MCOLN2: variants seen among roughly 807,000 people sequenced by gnomAD.
MCOLN2 encodes mucolipin-2.
A neutral mutation model predicts 67.5 loss-of-function variants in MCOLN2; 57 were observed. The ratio of observed to expected loss-of-function variants is 0.84; its 90% CI spans 0.68 to 1.05. MCOLN2 has a LOEUF of 1.05. Ranked by LOEUF, MCOLN2 falls within the 50% of genes least tolerant of loss-of-function variation. The pLI is 0.00. For missense variants in MCOLN2, 620 were observed against 678.8 expected (o/e 0.91, Z 0.96); for synonymous variants, 246 against 233.3 (o/e 1.05, Z -0.50).
At chr1:84,936,743 C>T (rs1445460050) in intron 11 of MCOLN2, among the ~76,000 whole-genome samples, 4 of 152,170 alleles carry the variant, frequency 2.6e-5, no homozygotes, top group Admixed American at 1.3e-4. Flanking sequence ...TAGGACAGCA[C>T]GGAGGTTTAA....
intron 11 of MCOLN2, chr1:84,937,554 T>C: frequency 7.5e-7 from 1 of 1,337,308 alleles, no homozygotes; most frequent in Non-Finnish European, 9.6e-7. Context: ...TCTAGTATTG[T>C]ACAGTTCTTG....
rs551306936 is a variant in MCOLN2, at chr1:84,984,256, G to T, written c.77+12540C>A. On this transcript the variant is annotated intron_variant, in intron 1 of 13. Coordinates refer to ENST00000370608, the MANE Select transcript of MCOLN2 (RefSeq NM_153259.4). ...TCCAACTATTTTCCTGGAATTAACT[G>T]CCCTTTTCCCCATTTGTTTAGTTTT... 2.1e-3 allele frequency among the ~76,000 whole-genome samples: 322 copies of T among 152,174 alleles called. 2 individuals carry two copies. The highest frequency in any genetic ancestry group is 3.5e-3 in the Non-Finnish European group (237 of 67,996).
chr1:84,933,704 C>A (rs1253184195), intron 11 of MCOLN2, among the ~76,000 whole-genome samples: 3 of 152,180 alleles, frequency 2.0e-5, no homozygotes, highest in Non-Finnish European at 2.9e-5. Flanking sequence ...TTCAAGAACC[C>A]CTAACTCCAA....
At chr1:84,976,762 T>C (rs536168763) in intron 1 of MCOLN2, among the ~76,000 whole-genome samples, 1 of 151,844 alleles carries the variant, frequency 6.6e-6, no homozygotes, top group South Asian at 2.1e-4. Flanking sequence ...CAAGACTCCA[T>C]CTCAAAAAAA....
rs1471067268 is a variant in MCOLN2 at position 84,956,444 on chromosome 1, G to A, written c.552C>T (p.Asn184=). 15 of 1,610,998 alleles carry A rather than the reference G, an allele frequency of 9.3e-6. No individual in the cohort carries two copies. The highest frequency in any genetic ancestry group is 3.4e-5 in the Admixed American group (2 of 59,312). ...TCACTGCATTACCGAGCTCAACGTCGTTGTCAATATTCAGTGTCTCATTAG... is the reference window on the plus strand; with the variant it reads ...TCACTGCATTACCGAGCTCAACGTCATTGTCAATATTCAGTGTCTCATTAG... ...FPSNETLNID[N]DVELDCVQLD... is the part of the protein sequence containing the mutation. Residue 184 remains asparagine (N), a synonymous_variant, in exon 4 of 14, where the codon AAC becomes AAT. Transcript: ENST00000370608.
Position 84,937,872 on chromosome 1 carries a change from C to T in MCOLN2, c.1218G>A (p.Leu406=). 6.2e-7 allele frequency: 1 copy of T among 1,613,800 alleles called. No individual in the cohort carries two copies. The change falls in exon 11 of 14, where the codon CTG becomes CTA. Residue 406 remains leucine (L), a synonymous_variant. Coordinates refer to ENST00000370608, the MANE Select transcript of MCOLN2 (RefSeq NM_153259.4). Reference sequence around the variant, plus strand: ...GCAGTGAGGCCTGCATTGTTAAAATCAGCACCTGAAAAAAAGAACAGAATG... The same window carrying T: ...GCAGTGAGGCCTGCATTGTTAAAATTAGCACCTGAAAAAAAGAACAGAATG... ...YLGYFQAYNV[L]ILTMQASLPK...
rs1661123556 is a variant in MCOLN2, at chr1:84,925,663, A to G, written c.*1022T>C. 6.6e-6 allele frequency: 1 copy of G among 152,216 alleles called. No homozygotes were observed. Among genetic ancestry groups the G allele is most frequent in the Non-Finnish European group, 1.5e-5 (1 of 68,048 alleles). The allele number at this position is 152,216 out of a possible 1,614,324, so 9.4% of individuals were successfully genotyped here. On this transcript the variant is annotated 3_prime_UTR_variant, in exon 14 of 14. Coordinates refer to ENST00000370608, the MANE Select transcript of MCOLN2 (RefSeq NM_153259.4). ...CAAAGGTAAATACCCAACCCAGCAG[A>G]GTTCAATTGTTAAAATGAGTGACCG... is the stretch of plus-strand genomic sequence containing the variant.
intron 2 of MCOLN2, among the ~76,000 whole-genome samples, chr1:84,965,131 C>T (rs1649308361): frequency 6.6e-6 from 1 of 152,108 alleles, no homozygotes; most frequent in Non-Finnish European, 1.5e-5. Context: ...CTGATAGCGC[C>T]TGGGATCAGT....
chr1:84,991,311 G>T (rs1650880632), intron 1 of MCOLN2, among the ~76,000 whole-genome samples: 1 of 151,972 alleles, frequency 6.6e-6, no homozygotes, highest in Admixed American at 6.6e-5. Flanking sequence ...TAATACCAGG[G>T]GCAGTTCAAC....
intron 1 of MCOLN2, among the ~76,000 whole-genome samples, chr1:84,994,225 C>T (rs1651038038): frequency 6.6e-6 from 1 of 152,182 alleles, no homozygotes. Context: ...TAACATAATT[C>T]TTAAGTGCCC....
At chr1:84,976,153 G>A (rs184840983) in intron 1 of MCOLN2, among the ~76,000 whole-genome samples, 4 of 152,258 alleles carry the variant, frequency 2.6e-5, no homozygotes, top group Admixed American at 6.5e-5. Context: ...CCCAAGCTTA[G>A]AGAAAGATAT....
intron 1 of MCOLN2, among the ~76,000 whole-genome samples, chr1:84,973,389 A>AT (rs1649841319): frequency 6.6e-6 from 1 of 152,168 alleles, no homozygotes; most frequent in South Asian, 2.1e-4. Context: ...GAGGTAGTAG[A>AT]TTCGCTTAAG....
At chr1:84,984,384 G>C (rs1650402216) in intron 1 of MCOLN2, among the ~76,000 whole-genome samples, 1 of 133,166 alleles carries the variant, frequency 7.5e-6, no homozygotes, top group South Asian at 2.6e-4. Flanking sequence ...CTTCCACAGA[G>C]AGACATCAAT....
chr1:84,952,263 AGTC>A lies in MCOLN2; in HGVS notation c.724_726del (p.Asp242del), dbSNP rs2102835595. ...CTTGCCGTATTCTGAAAGACATAACAGTCTGGTAACTCACGGGAATGAATTGTC... is the reference window on the plus strand; with the variant it reads ...CTTGCCGTATTCTGAAAGACATAACATGGTAACTCACGGGAATGAATTGTC... On this transcript the variant is annotated inframe_deletion, in exon 6 of 14. Transcript: ENST00000370608. 1 of 1,611,828 alleles carries A rather than the reference AGTC, an allele frequency of 6.2e-7. No homozygotes were observed. Among genetic ancestry groups the A allele is most frequent in the East Asian group, 2.2e-5 (1 of 44,836 alleles).
rs12569162 is a variant in MCOLN2 at position 84,925,881 on chromosome 1, A to C, written c.*804T>G. On this transcript the variant is annotated 3_prime_UTR_variant, in exon 14 of 14. Transcript: ENST00000370608. The stretch of plus-strand genomic sequence containing the variant: ...GCATGAGCATGAGGTCTTTTTGTTG[A>C]TTTAAGGGTGATTTTTTTTTTTTTT... 2,508 of 150,638 alleles carry C rather than the reference A, an allele frequency of 0.017. 28 individuals carry two copies. Among genetic ancestry groups the C allele is most frequent in the East Asian group, 0.054 (271 of 5,032 alleles). The allele number at this position is 150,638 out of a possible 1,614,324, so 9.3% of individuals were successfully genotyped here. A position where few individuals can be genotyped will look rare whatever the true frequency, so the allele number is the denominator to read the frequency against.
intron 1 of MCOLN2, among the ~76,000 whole-genome samples, chr1:84,980,878 G>A (rs1213605343): frequency 6.6e-6 from 1 of 152,152 alleles, no homozygotes; most frequent in Non-Finnish European, 1.5e-5. Flanking sequence ...ACAACCCATA[G>A]AAAGGGAGAA....
intron 1 of MCOLN2, among the ~76,000 whole-genome samples, chr1:84,979,768 A>G (rs1222209219): frequency 6.6e-6 from 1 of 152,198 alleles, no homozygotes; most frequent in African/African-American, 2.4e-5. Context: ...CTGGAACACA[A>G]CAAAGATGCC....
At chr1:84,996,689 G>A (rs2102900524) in intron 1 of MCOLN2, 107 bp downstream of exon 1, 1 of 949,784 alleles carries the variant, frequency 1.1e-6, no homozygotes, top group South Asian at 1.5e-5. Context: ...GTTAATATAA[G>A]CATTCCCAAG....
chr1:84,945,956 C>A (rs1349840709), intron 7 of MCOLN2, among the ~76,000 whole-genome samples: 8 of 152,094 alleles, frequency 5.3e-5, no homozygotes. Context: ...GTCATGTTGA[C>A]CAGGCTGATC....
Sources: allele counts gnomAD v4.1 joint callset (sites outside exome capture counted in the v4.1 genomes callset), GRCh38; gene constraint gnomAD v4.1.1; transcripts MANE v1.5; gene names NCBI Gene and HGNC (gene_info 2026-07-23, HGNC 2026-07-21).